The following RPS6KC1 variants were observed in gnomAD, a reference collection of about 807,000 sequenced individuals.
RPS6KC1 encodes inactive ribosomal protein S6 kinase delta-1.
Under a neutral mutation model 103.8 loss-of-function variants are expected in RPS6KC1, and 54 were observed. That is an observed-to-expected ratio of 0.52 (90% confidence interval 0.42 to 0.65). The LOEUF (loss-of-function observed/expected upper bound fraction) is 0.65. Among genes scored for constraint, RPS6KC1 ranks in the 30% least tolerant of loss-of-function variants. The pLI is 0.00. For synonymous variants in RPS6KC1, 439 were observed against 438.7 expected, an observed-to-expected ratio of 1.00 and a Z score of -0.01; for missense variants, 1,151 against 1,253.8, an observed-to-expected ratio of 0.92 and a Z score of 1.24.
At chr1:213,516,583 C>T in the RPS6KC1 span, among the ~76,000 whole-genome samples, 1 of 152,182 alleles carries the variant, frequency 6.6e-6, no homozygotes, top group Admixed American at 6.5e-5. Context: ...ATGAAGCCTA[C>T]TTGATCATGG....
At chr1:213,117,255 T>A (rs1375466596) in intron 4 of RPS6KC1, 62 bp from the exon 5 acceptor site, 1 of 957,030 alleles carries the variant, frequency 1.0e-6, no homozygotes, top group Admixed American at 2.0e-5. Context: ...GATAACTATT[T>A]TTTATTTAGT....
chr1:213,805,100 C>T, the RPS6KC1 span, among the ~76,000 whole-genome samples: 5 of 152,224 alleles, frequency 3.3e-5, no homozygotes, highest in Admixed American at 3.3e-4. Context: ...CTAAAAACTG[C>T]TAATGATCCT....
At chr1:213,728,509 C>T in the RPS6KC1 span, among the ~76,000 whole-genome samples, 7 of 152,106 alleles carry the variant, frequency 4.6e-5, no homozygotes, top group East Asian at 1.9e-4. Context: ...CAGCCCTACC[C>T]GCTACAGGAT....
At chr1:213,824,876 G>A in the RPS6KC1 span, among the ~76,000 whole-genome samples, 1 of 152,160 alleles carries the variant, frequency 6.6e-6, no homozygotes, top group Non-Finnish European at 1.5e-5. Flanking sequence ...ACTAATACAT[G>A]CATTGATGCC....
At chr1:213,349,820 A>G in the RPS6KC1 span, among the ~76,000 whole-genome samples, 1 of 152,332 alleles carries the variant, frequency 6.6e-6, no homozygotes, top group East Asian at 1.9e-4. Context: ...GGAAGTGATG[A>G]TCAAACTTGA....
the RPS6KC1 span, among the ~76,000 whole-genome samples, chr1:213,508,266 C>A: frequency 2.0e-5 from 3 of 152,092 alleles, no homozygotes; most frequent in African/African-American, 7.2e-5. Flanking sequence ...ATTGAAAAAG[C>A]CTGTTCAAAA....
chr1:213,789,300 C>A, the RPS6KC1 span, among the ~76,000 whole-genome samples: 1 of 152,060 alleles, frequency 6.6e-6, no homozygotes, highest in South Asian at 2.1e-4. Flanking sequence ...ACTCCGGCAC[C>A]TTGGATACTT....
chr1:213,145,965 CT>C (rs1448441933), intron 6 of RPS6KC1, among the ~76,000 whole-genome samples: 2 of 37,552 alleles, frequency 5.3e-5, no homozygotes, highest in African/African-American at 2.1e-4. Context: ...TTCATTCATT[CT>C]GTTTTTTTTT....
the RPS6KC1 span, among the ~76,000 whole-genome samples, chr1:213,369,244 A>T: frequency 6.6e-6 from 1 of 152,236 alleles, no homozygotes; most frequent in Non-Finnish European, 1.5e-5. Flanking sequence ...TTCTTTTCTC[A>T]TACCTTCCTG....
chr1:213,355,732 T>A, the RPS6KC1 span, among the ~76,000 whole-genome samples: 1 of 152,224 alleles, frequency 6.6e-6, no homozygotes, highest in Non-Finnish European at 1.5e-5. Flanking sequence ...ATGTAACTCT[T>A]GTTTCAACTC....
the RPS6KC1 span, among the ~76,000 whole-genome samples, chr1:213,721,028 G>A: frequency 4.8e-3 from 728 of 152,272 alleles, 7 homozygotes; most frequent in African/African-American, 0.016. Context: ...TCCTCATAAC[G>A]GTAATAATGT....
the RPS6KC1 span, among the ~76,000 whole-genome samples, chr1:213,691,401 T>C: frequency 6.6e-6 from 1 of 152,214 alleles, no homozygotes; most frequent in Non-Finnish European, 1.5e-5. Flanking sequence ...GACTCTGCAA[T>C]TGTACATTAC....
intron 6 of RPS6KC1, among the ~76,000 whole-genome samples, chr1:213,131,108 A>G (rs1398967929): frequency 6.6e-6 from 1 of 152,170 alleles, no homozygotes; most frequent in African/African-American, 2.4e-5. Context: ...GGGAATTCAG[A>G]TTTCACAATT....
chr1:213,160,151 C>T (rs935196476), intron 6 of RPS6KC1, among the ~76,000 whole-genome samples: 3 of 152,148 alleles, frequency 2.0e-5, no homozygotes, highest in African/African-American at 7.2e-5. Flanking sequence ...TCTGCCTTTT[C>T]TCAGAAGCAT....
chr1:213,498,627 T>G, the RPS6KC1 span, among the ~76,000 whole-genome samples: 1 of 151,940 alleles, frequency 6.6e-6, no homozygotes, highest in Non-Finnish European at 1.5e-5. Context: ...GCTAATTTTT[T>G]GTATTTTTAG....
At chr1:213,121,259 T>C (rs1192931338) in intron 5 of RPS6KC1, among the ~76,000 whole-genome samples, 1 of 152,184 alleles carries the variant, frequency 6.6e-6, no homozygotes, top group African/African-American at 2.4e-5. Context: ...ACAGTTACTT[T>C]GTAGTAGCAT....
chr1:213,166,463 CT>C (rs2090972352), intron 6 of RPS6KC1, among the ~76,000 whole-genome samples: 1 of 152,054 alleles, frequency 6.6e-6, no homozygotes, highest in African/African-American at 2.4e-5. Context: ...CATTTTTCAA[CT>C]GAGTAGAAAA....
chr1:213,454,612 C>T, the RPS6KC1 span, among the ~76,000 whole-genome samples: 2,055 of 152,232 alleles, frequency 0.013, 45 homozygotes, highest in African/African-American at 0.047. Context: ...TAATTCTTTT[C>T]CTTTTTTGGT....
intron 8 of RPS6KC1, among the ~76,000 whole-genome samples, chr1:213,190,019 T>C (rs1035956984): frequency 1.3e-5 from 2 of 152,246 alleles, no homozygotes; most frequent in Non-Finnish European, 2.9e-5. Context: ...TACTTCATTT[T>C]GTATATATAC....
Sources: gnomAD v4.1 joint callset for allele counts (sites outside exome capture counted in the v4.1 genomes callset) on GRCh38, gnomAD v4.1.1 for gene constraint, MANE v1.5 for transcripts, NCBI Gene and HGNC (gene_info 2026-07-23, HGNC 2026-07-21) for gene names.